The following GARS1 variants were observed in gnomAD, a reference collection of about 807,000 sequenced individuals.
The protein encoded by GARS1 is glycine--tRNA ligase.
Under a neutral mutation model 86.4 loss-of-function variants are expected in GARS1, and 46 were observed. The observed-to-expected ratio is 0.53, with a 90% CI of 0.42 to 0.68. The LOEUF (loss-of-function observed/expected upper bound fraction) is 0.68. Ranked by LOEUF, GARS1 falls within the 30% of genes least tolerant of loss-of-function variation. The probability of loss-of-function intolerance (pLI) is 0.00; values close to 1 mark genes in which losing one functional copy is unlikely to be tolerated. For missense variants in GARS1, 797 were observed against 915.6 expected (o/e 0.87, Z 1.67); for synonymous variants, 342 against 329.8 (o/e 1.04, Z -0.40).
chr7:30,616,977 A>T (rs879603887), intron 9 of GARS1, 137 bp from the exon 10 acceptor site: 42 of 824,280 alleles, frequency 5.1e-5, no homozygotes, highest in Non-Finnish European at 8.2e-5. Context: ...TTGTTTTGAA[A>T]GCAAGATAAA....
chr7:30,620,217 C>T (rs181728698), intron 10 of GARS1, among the ~76,000 whole-genome samples: 1 of 152,088 alleles, frequency 6.6e-6, no homozygotes, highest in Non-Finnish European at 1.5e-5. Flanking sequence ...ATTGAAATAA[C>T]GGGTTCTTAA....
chr7:30,630,915 T>G (rs1474936595), intron 14 of GARS1, among the ~76,000 whole-genome samples: 1 of 152,226 alleles, frequency 6.6e-6, no homozygotes, highest in East Asian at 1.9e-4. Flanking sequence ...TTTTTTGTTT[T>G]GTACTATTTC....
chr7:30,600,776 T>C (rs1420777920), intron 3 of GARS1, among the ~76,000 whole-genome samples: 2 of 152,256 alleles, frequency 1.3e-5, no homozygotes, highest in African/African-American at 4.8e-5. Flanking sequence ...GGCAGAAAAC[T>C]GTAATCTGCT....
intron 6 of GARS1, among the ~76,000 whole-genome samples, chr7:30,606,305 CTTTT>C (rs35302357): frequency 2.4e-5 from 3 of 127,546 alleles, no homozygotes. Context: ...CATTGTTATT[CTTTT>C]TTTTTTTTTT....
chr7:30,622,781 T>G (rs950559121), intron 12 of GARS1: 1 of 360,124 alleles, frequency 2.8e-6, no homozygotes. Context: ...TAGAATACTC[T>G]CTGTAATTGT....
At chr7:30,609,167 G>A (rs1791543516) in intron 6 of GARS1, among the ~76,000 whole-genome samples, 1 of 152,160 alleles carries the variant, frequency 6.6e-6, no homozygotes, top group Non-Finnish European at 1.5e-5. Flanking sequence ...GAGGGTGGTG[G>A]CTATTAATAG....
Position 30,608,296 on chromosome 7 carries a change from T to C in GARS1, c.736-1289T>C, listed in dbSNP as rs535329955. On this transcript the variant is annotated intron_variant, in intron 6 of 16. Transcript: ENST00000389266. ...TTGCTTTCTATCTGTATTGGCAGAA[T>C]CTTTTTCCTCCTGATTTCTTTTTAA... Among the ~76,000 whole-genome samples the C allele has an allele frequency of 1.5e-4, 23 of 152,354 alleles. No individual in the cohort carries two copies. The East Asian group carries it at 3.9e-3, about 26-fold the overall frequency.
intron 1 of GARS1, among the ~76,000 whole-genome samples, chr7:30,596,560 C>T (rs988286659): frequency 6.6e-6 from 1 of 152,048 alleles, no homozygotes; most frequent in Non-Finnish European, 1.5e-5. Flanking sequence ...AATCATCCAT[C>T]GGTAGTTAAG....
intron 6 of GARS1, among the ~76,000 whole-genome samples, chr7:30,607,894 A>G (rs979376564): frequency 2.0e-5 from 3 of 152,162 alleles, no homozygotes; most frequent in African/African-American, 7.2e-5. Context: ...ACAAAGACAT[A>G]TAGATATTTG....
At chr7:30,601,010 T>G in intron 3 of GARS1, 49 bp from the exon 4 acceptor site, 1 of 1,583,060 alleles carries the variant, frequency 6.3e-7, no homozygotes, top group Non-Finnish European at 8.7e-7. Context: ...TGCCTTCATT[T>G]GTTCAGAGTA....
At chr7:30,596,309 C>G (rs1428551475) in intron 1 of GARS1, among the ~76,000 whole-genome samples, 1 of 152,198 alleles carries the variant, frequency 6.6e-6, no homozygotes, top group African/African-American at 2.4e-5. Context: ...TGAAATATCA[C>G]CACGGGCTTA....
At position 30,603,039 on chromosome 7, in the gene GARS1, C is replaced by A; in HGVS notation, c.575C>A (p.Ser192Tyr). Residue 192 changes from serine (S) to tyrosine (Y), a missense_variant, in exon 5 of 17, where the codon TCT (serine) becomes TAT (tyrosine). Physicochemically the swap from Ser to Tyr is moderately radical, Grantham distance 144. Coordinates refer to ENST00000389266, the MANE Select transcript of GARS1 (RefSeq NM_002047.4). ...MLTPEPVLKTSGHVDKFADFM... is the reference protein window; with the variant it reads ...MLTPEPVLKTYGHVDKFADFM... ...GTTGGCATTTGTTAATTTAGGACCT[C>A]TGGCCATGTAGACAAATTTGCTGAC... 1 of 1,613,054 alleles carries A rather than the reference C, an allele frequency of 6.2e-7. No individual in the cohort carries two copies. Among genetic ancestry groups the A allele is most frequent in the Non-Finnish European group, 8.5e-7 (1 of 1,179,128 alleles).
At chr7:30,625,088 G>A (rs544239414) in intron 12 of GARS1, among the ~76,000 whole-genome samples, 1 of 152,158 alleles carries the variant, frequency 6.6e-6, no homozygotes, top group Admixed American at 6.5e-5. Context: ...GACTACAGGT[G>A]TGCACCACCA....
rs753078831 is a variant in GARS1, at chr7:30,632,420, C to T, written c.2077C>T (p.Arg693Trp). The change falls in exon 16 of 17, where the codon CGG (arginine) becomes TGG (tryptophan). Residue 693 changes from arginine (R) to tryptophan (W), a missense_variant. Transcript: ENST00000389266. The surrounding 1 kb of genome is among the most constrained non-coding windows in gnomAD (Gnocchi z 4.1). ...AACTCTGAGGGACCGTGACTCAATG[C>T]GGCAGATAAGAGCAGAGGTATCTGG... Reference protein sequence around the residue: ...TATLRDRDSMRQIRAEISELP... With the variant: ...TATLRDRDSMWQIRAEISELP... 8.1e-6 allele frequency: 13 copies of T among 1,614,106 alleles called. No individual in the cohort carries two copies. Among genetic ancestry groups the T allele is most frequent in the Middle Eastern group, 3.3e-4 (2 of 6,060 alleles).
intron 12 of GARS1, among the ~76,000 whole-genome samples, chr7:30,624,233 C>T (rs1193413392): frequency 2.0e-5 from 3 of 152,160 alleles, no homozygotes; most frequent in East Asian, 1.9e-4. Context: ...TTAGACAATC[C>T]GGGGCTCTGA....
chr7:30,612,253 TC>T lies in GARS1; in HGVS notation c.1031+9del, dbSNP rs746178135. The T allele has an allele frequency of 2.3e-5, 37 of 1,613,488 alleles. No homozygotes were observed. The highest frequency in any genetic ancestry group is 2.2e-4 in the East Asian group (10 of 44,860). ...TGGACTGATCAGAGTCAGGTACTGC[TC>T]AGGTTACTCTTACAAATTAGTGAAT... On this transcript the variant is annotated intron_variant, in intron 8 of 16. Coordinates refer to ENST00000389266, the MANE Select transcript of GARS1 (RefSeq NM_002047.4).
intron 4 of GARS1, among the ~76,000 whole-genome samples, chr7:30,602,480 A>G (rs1368724057): frequency 6.6e-6 from 1 of 152,240 alleles, no homozygotes; most frequent in Admixed American, 6.5e-5. Context: ...TCTCTTAATA[A>G]TTTCAGCCAA....
intron 10 of GARS1, among the ~76,000 whole-genome samples, chr7:30,618,814 A>G (rs1240709107): frequency 6.6e-6 from 1 of 152,240 alleles, no homozygotes; most frequent in Non-Finnish European, 1.5e-5. Context: ...TTGTGGAATT[A>G]GAAAGAATTA....
chr7:30,626,897 C>G (rs1158936046), intron 13 of GARS1, among the ~76,000 whole-genome samples: 1 of 151,822 alleles, frequency 6.6e-6, no homozygotes, highest in Non-Finnish European at 1.5e-5. Flanking sequence ...AGGAGAATCC[C>G]TTGAACCCGG....
Sources: allele counts gnomAD v4.1 joint callset (sites outside exome capture counted in the v4.1 genomes callset), GRCh38; gene constraint gnomAD v4.1.1; non-coding constraint Gnocchi (gnomAD v3.1); transcripts MANE v1.5; gene names NCBI Gene and HGNC (gene_info 2026-07-23, HGNC 2026-07-21).